PHF11: variants seen among roughly 807,000 people sequenced by gnomAD.
PHF11 encodes the protein PHD finger protein 11.
A neutral mutation model predicts 40.5 loss-of-function variants in PHF11; 38 were observed. That is an observed-to-expected ratio of 0.94 (90% CI 0.72 to 1.23). The LOEUF is 1.23. PHF11 is among the 50% of genes most tolerant of loss of function. The pLI is 0.00. For missense variants in PHF11, 369 were observed against 392.4 expected (o/e 0.94, Z 0.50); for synonymous variants, 127 against 138.2 (o/e 0.92, Z 0.57).
chr13:49,526,191 GAAAA>G (rs1959267467), intron 8 of PHF11, 192 bp from the exon 9 acceptor site: 1 of 434,152 alleles, frequency 2.3e-6, no homozygotes, highest in Non-Finnish European at 4.1e-6. Flanking sequence ...AAAAAAAAAA[GAAAA>G]AAGAGAAATG....
At chr13:49,509,520 T>C (rs73493222) in intron 2 of PHF11, among the ~76,000 whole-genome samples, 5,989 of 152,162 alleles carry the variant, frequency 0.039, 402 homozygotes, top group African/African-American at 0.14. Flanking sequence ...CTTTAGTATG[T>C]ATTTTCTACA....
chr13:49,497,288 CCA>C lies in PHF11; in HGVS notation c.94+1194_94+1195del, dbSNP rs1406826281. The C allele has an allele frequency of 2.8e-5, 24 of 863,702 alleles. No individual in the cohort carries two copies. The Admixed American group carries it at 2.8e-4, about 10-fold the overall frequency. The allele number at this position is 863,702 out of a possible 1,614,324, so 53.5% of individuals were successfully genotyped here. A position where few individuals can be genotyped will look rare whatever the true frequency, so the allele number is the denominator to read the frequency against. Reference sequence around the variant, plus strand: ...TCCAGACTGGTATAACCAACTTCTTCCATTTCTGAAATGATCTCAAACTGAGT... The same window carrying C: ...TCCAGACTGGTATAACCAACTTCTTCTTTCTGAAATGATCTCAAACTGAGT... On this transcript the variant is annotated intron_variant, in intron 1 of 9. Transcript: ENST00000378319.
At chr13:49,527,453 C>A (rs1359061304) in intron 9 of PHF11, 1 of 152,188 alleles carries the variant, frequency 6.6e-6, no homozygotes, top group Non-Finnish European at 1.5e-5. Flanking sequence ...ATCATTAGTT[C>A]ATATCCCTGT....
intron 1 of PHF11, 141 bp downstream of exon 1, chr13:49,496,236 C>T: frequency 3.1e-6 from 2 of 650,298 alleles, no homozygotes; most frequent in Non-Finnish European, 4.3e-6. Flanking sequence ...GCCGGGGCGG[C>T]GCTGGACGAA....
chr13:49,517,139 G>C (rs1959165183), intron 3 of PHF11, among the ~76,000 whole-genome samples: 1 of 152,112 alleles, frequency 6.6e-6, no homozygotes. Context: ...GATCGTTCTT[G>C]TATGCTCTGA....
At chr13:49,501,213 A>G (rs962874555) in intron 1 of PHF11, among the ~76,000 whole-genome samples, 12 of 151,766 alleles carry the variant, frequency 7.9e-5, no homozygotes, top group African/African-American at 2.4e-4. Context: ...GGGTTTCTCC[A>G]TGTTTGTCAG....
At position 49,518,138 on chromosome 13, in the gene PHF11, C is replaced by T. The variant is rs374535557; in HGVS notation, c.445C>T (p.Arg149Ter). Residue 149 changes from arginine (R) to a stop codon, truncating the protein, a stop_gained, in exon 4 of 10, where the codon CGA (arginine) becomes TGA (stop). Coordinates refer to ENST00000378319, the MANE Select transcript of PHF11 (RefSeq NM_001040443.3). LOFTEE classifies it high-confidence loss of function. ...DDAVPQSDGVRGIYKLLCQQH... is the reference protein window; with the variant it reads ...DDAVPQSDGV ...CGCAGTTCCACAGTCTGATGGAGTTCGAGGAATTTATAAGTATTTAATAAA... is the reference window on the plus strand; with the variant it reads ...CGCAGTTCCACAGTCTGATGGAGTTTGAGGAATTTATAAGTATTTAATAAA... 6.3e-5 allele frequency: 100 copies of T among 1,594,072 alleles called. 1 individual carries two copies. Among genetic ancestry groups the T allele is most frequent in the Non-Finnish European group, 8.0e-5 (93 of 1,168,788 alleles).
chr13:49,523,049 C>T, intron 6 of PHF11, 126 bp from the exon 7 acceptor site: 1 of 731,986 alleles, frequency 1.4e-6, no homozygotes, highest in Non-Finnish European at 2.5e-6. Flanking sequence ...AGGCGTGAGA[C>T]ACCGCGCCCA....
At chr13:49,521,932 A>G (rs972413627) in intron 5 of PHF11, 111 bp from the exon 6 acceptor site, 8 of 549,896 alleles carry the variant, frequency 1.5e-5, no homozygotes, top group African/African-American at 7.7e-5. Context: ...GAAGTTTGCC[A>G]TATCTTTTGA....
chr13:49,508,253 TTAA>T (rs1347958410), intron 2 of PHF11, among the ~76,000 whole-genome samples: 1 of 132,854 alleles, frequency 7.5e-6, no homozygotes, highest in South Asian at 2.4e-4. Flanking sequence ...TAATATATTA[TTAA>T]TGTGTTATGT....
chr13:49,523,104 C>A, intron 6 of PHF11, 71 bp from the exon 7 acceptor site: 1 of 1,068,044 alleles, frequency 9.4e-7, no homozygotes, highest in Non-Finnish European at 1.5e-6. Context: ...TAGTTATGCA[C>A]AGCAAAAGAC....
At chr13:49,508,184 C>T (rs796189896) in intron 2 of PHF11, among the ~76,000 whole-genome samples, 2 of 130,510 alleles carry the variant, frequency 1.5e-5, no homozygotes, top group East Asian at 2.8e-4. Flanking sequence ...ATTATTAATG[C>T]AGTATGTATT....
chr13:49,514,317 A>G (rs1378038474), intron 3 of PHF11, among the ~76,000 whole-genome samples: 1 of 152,242 alleles, frequency 6.6e-6, no homozygotes, highest in Non-Finnish European at 1.5e-5. Context: ...ACTCCCAGCT[A>G]TAGGTAAAAT....
intron 9 of PHF11, chr13:49,527,429 T>C (rs1566199845): frequency 6.6e-6 from 1 of 152,200 alleles, no homozygotes; most frequent in Non-Finnish European, 1.5e-5. Flanking sequence ...ACAATAAGAT[T>C]TCCCTGTGAA....
Position 49,498,735 on chromosome 13 carries a change from A to T in PHF11, c.94+2640A>T, listed in dbSNP as rs149014532. 1.7e-3 allele frequency among the ~76,000 whole-genome samples: 253 copies of T among 152,316 alleles called. 1 individual carries two copies. Among genetic ancestry groups the T allele is most frequent in the African/African-American group, 5.8e-3 (239 of 41,564 alleles). ...GGGAAAATAGAGACAAGGACAAGAG[A>T]TCACTGGAATAGACTAGGTGAAAGA... On this transcript the variant is annotated intron_variant, in intron 1 of 9. Coordinates refer to ENST00000378319, the MANE Select transcript of PHF11 (RefSeq NM_001040443.3).
Position 49,524,197 on chromosome 13 carries a change from T to A in PHF11, c.750T>A (p.Asp250Glu), listed in dbSNP as rs758979390. ...KVHSIPEKLM[D>E]ETTSESDYEE... ...ATTCAATTCCAGAAAAACTCATGGA[T>A]GAGACTACTTCAGAATCAGGTACTG... The change falls in exon 8 of 10, where the codon GAT becomes GAA. Residue 250 changes from aspartate (D) to glutamate (E), a missense_variant. Asp to Glu is a conservative substitution (Grantham distance 45). Transcript: ENST00000378319. 3.7e-6 allele frequency: 6 copies of A among 1,609,418 alleles called. No individual in the cohort carries two copies. The South Asian group carries it at 6.6e-5, about 18-fold the overall frequency.
At position 49,528,604 on chromosome 13, in the gene PHF11, C is replaced by T. The variant is rs1424938815; in HGVS notation, c.935C>T (p.Ser312Phe). The T allele has an allele frequency of 6.2e-7, 1 of 1,611,230 alleles. No homozygotes were observed. Among genetic ancestry groups the T allele is most frequent in the East Asian group, 2.2e-5 (1 of 44,832 alleles). Residue 312 changes from serine to phenylalanine, a missense_variant, in exon 10 of 10, where the codon TCT (serine) becomes TTT (phenylalanine). Transcript: ENST00000378319. ...CAGGACTTAAAACAAACCTTGTGCT[C>T]TTTTCAAGAAAATAGAGATCTTATG... ...LLQDLKQTLC[S>F]FQENRDLMSS... is the part of the protein sequence containing the mutation.
intron 5 of PHF11, 169 bp downstream of exon 5, chr13:49,521,109 T>C: frequency 7.6e-7 from 1 of 1,310,416 alleles, no homozygotes; most frequent in South Asian, 2.3e-5. Context: ...GTGATATGAC[T>C]GACTAATTTT....
At chr13:49,510,250 C>G (rs796518679) in intron 2 of PHF11, among the ~76,000 whole-genome samples, 15 of 152,024 alleles carry the variant, frequency 9.9e-5, no homozygotes, top group African/African-American at 3.6e-4. Context: ...GGTATCCAAC[C>G]CCTGGGCTCA....
Sources: allele counts gnomAD v4.1 joint callset (sites outside exome capture counted in the v4.1 genomes callset), GRCh38; gene constraint gnomAD v4.1.1; transcripts MANE v1.5; gene names NCBI Gene and HGNC (gene_info 2026-07-23, HGNC 2026-07-21).